Variants in LETM1 observed in about 807,000 individuals in gnomAD.
LETM1 encodes the protein mitochondrial proton/calcium exchanger protein.
Under a neutral mutation model 74.5 loss-of-function variants are expected in LETM1, and 50 were observed. The ratio of observed to expected loss-of-function variants is 0.67; its 90% CI spans 0.53 to 0.85. The LOEUF (loss-of-function observed/expected upper bound fraction) is 0.85, where lower values mean the gene tolerates loss of function less well. LETM1 is among the 40% of genes least tolerant of loss of function. LETM1 has a pLI of 0.00. For synonymous variants in LETM1, 446 were observed against 407.1 expected, an observed-to-expected ratio of 1.10 and a Z score of -1.15; for missense variants, 824 against 967.8, an observed-to-expected ratio of 0.85 and a Z score of 1.97.
At chr4:1,820,960 T>A (rs1711753743) in intron 10 of LETM1, among the ~76,000 whole-genome samples, 1 of 151,922 alleles carries the variant, frequency 6.6e-6, no homozygotes, top group South Asian at 2.1e-4. Context: ...GGAGGTCAAG[T>A]CTTCAGTGAG....
At chr4:1,835,092 C>A in intron 4 of LETM1, 110 bp from the exon 5 acceptor site, 1 of 990,424 alleles carries the variant, frequency 1.0e-6, no homozygotes, top group South Asian at 1.6e-5. Flanking sequence ...TTTCACAACA[C>A]ACTGACTCTC....
chr4:1,816,578 T>C, intron 12 of LETM1, 149 bp downstream of exon 12: 3 of 697,136 alleles, frequency 4.3e-6, no homozygotes, highest in Non-Finnish European at 7.1e-6. Context: ...GGTTCCTGGC[T>C]GGGACTGCTG....
intron 7 of LETM1, among the ~76,000 whole-genome samples, chr4:1,824,965 C>T (rs1203390721): frequency 1.3e-5 from 2 of 152,232 alleles, no homozygotes; most frequent in African/African-American, 2.4e-5. Context: ...GTGAAAAACC[C>T]GGGAGGAGGA....
Position 1,822,079 on chromosome 4 carries a change from T to C in LETM1, c.1608+102A>G, listed in dbSNP as rs534371117. ...CACCATCTCCTCTCACTGAGGGCTA[T>C]AGATGCCCCAGCTAACCTGTCCCCA... On this transcript the variant is annotated intron_variant, in intron 10 of 13. Coordinates refer to ENST00000302787, the MANE Select transcript of LETM1 (RefSeq NM_012318.3). The C allele has an allele frequency of 3.6e-5, 43 of 1,192,666 alleles. 1 individual carries two copies. In the African/African-American group the frequency reaches 4.5e-4, roughly 13 times the overall value. The allele number at this position is 1,192,666 out of a possible 1,614,324, so 73.9% of individuals were successfully genotyped here.
chr4:1,827,452 T>C (rs957072481), intron 6 of LETM1, among the ~76,000 whole-genome samples: 1 of 116,682 alleles, frequency 8.6e-6, no homozygotes, highest in Non-Finnish European at 1.7e-5. Context: ...GCAGTGTTTG[T>C]GTCCCTGATT....
At position 1,836,302 on chromosome 4, in the gene LETM1, C is replaced by T; in HGVS notation, c.738+127G>A. 1 of 864,608 alleles carries T rather than the reference C, an allele frequency of 1.2e-6. No individual in the cohort carries two copies. Among genetic ancestry groups the T allele is most frequent in the Admixed American group, 2.0e-5 (1 of 48,880 alleles). The allele number at this position is 864,608 out of a possible 1,614,324, so 53.6% of individuals were successfully genotyped here. A position where few individuals can be genotyped will look rare whatever the true frequency, so the allele number is the denominator to read the frequency against. On this transcript the variant is annotated intron_variant, in intron 4 of 13. Transcript: ENST00000302787. The surrounding 1 kb of genome is among the most constrained non-coding windows in gnomAD (Gnocchi z 5.8). ...CATCCACTAAATAATTATTGCACAG[C>T]ACAAGGACAATATGAAGATACATAA... is the stretch of plus-strand genomic sequence containing the variant.
intron 6 of LETM1, among the ~76,000 whole-genome samples, chr4:1,832,425 C>T (rs909429318): frequency 6.6e-6 from 1 of 152,102 alleles, no homozygotes; most frequent in Non-Finnish European, 1.5e-5. Context: ...AATGGACCCT[C>T]GATGAAGACC....
intron 1 of LETM1, among the ~76,000 whole-genome samples, chr4:1,854,087 G>C (rs186800040): frequency 2.7e-4 from 41 of 152,304 alleles, no homozygotes; most frequent in African/African-American, 9.4e-4. Context: ...CAACTGGAAA[G>C]ACCACATGCT....
intron 3 of LETM1, among the ~76,000 whole-genome samples, chr4:1,840,853 G>A (rs1712665128): frequency 6.6e-6 from 1 of 152,140 alleles, no homozygotes; most frequent in Admixed American, 6.5e-5. Flanking sequence ...TCTCTGGGTA[G>A]ACAGTATCAG....
intron 2 of LETM1, among the ~76,000 whole-genome samples, chr4:1,845,639 C>A (rs911787354): frequency 2.0e-5 from 3 of 151,030 alleles, no homozygotes; most frequent in African/African-American, 7.3e-5. Context: ...CCTCCACCTT[C>A]CAGGTTCACG....
At chr4:1,835,895 T>C (rs1212243021) in intron 4 of LETM1, among the ~76,000 whole-genome samples, 1 of 152,082 alleles carries the variant, frequency 6.6e-6, no homozygotes, top group African/African-American at 2.4e-5. Flanking sequence ...CTGGGCAACA[T>C]AGCAGATCTT....
chr4:1,817,883 A>T (rs1157548761), intron 11 of LETM1, among the ~76,000 whole-genome samples: 4 of 152,138 alleles, frequency 2.6e-5, no homozygotes, highest in Non-Finnish European at 5.9e-5. Flanking sequence ...ACTCCCAAGC[A>T]ATCCTCCTGC....
rs1722509501 is a variant in LETM1, at chr4:1,812,896, G to A, written c.*1528C>T. 1 of 152,400 alleles carries A rather than the reference G, an allele frequency of 6.6e-6. No individual in the cohort carries two copies. The highest frequency in any genetic ancestry group is 2.4e-5 in the African/African-American group (1 of 41,472). 9.4% of individuals were successfully genotyped at this position (152,400 alleles called of 1,614,324 possible). ...AACAGTGCTCAGCCAAGGCAGTGAG[G>A]ACGAGGATGAGAGCCGGGGCAGCTG... On this transcript the variant is annotated 3_prime_UTR_variant, in exon 14 of 14. Coordinates refer to ENST00000302787, the MANE Select transcript of LETM1 (RefSeq NM_012318.3).
In LETM1 at chr4:1,815,546, C is replaced by T. The variant is rs1302959327; in HGVS notation, c.2070+118G>A. ...GCAGTCGCAGTGACAGACCCAAACC[C>T]CTGACAGGAGGGGGTAGCTGCCCAG... is the stretch of plus-strand genomic sequence containing the variant. On this transcript the variant is annotated intron_variant, in intron 13 of 13. Coordinates refer to ENST00000302787, the MANE Select transcript of LETM1 (RefSeq NM_012318.3). The T allele has an allele frequency of 4.5e-6, 5 of 1,118,722 alleles. No individual in the cohort carries two copies. The African/African-American group carries it at 6.2e-5, about 14-fold the overall frequency. 69.3% of individuals were successfully genotyped at this position (1,118,722 alleles called of 1,614,324 possible).
intron 4 of LETM1, 27 bp from the exon 5 acceptor site, chr4:1,835,009 T>TC: frequency 6.2e-7 from 1 of 1,607,182 alleles, no homozygotes; most frequent in Admixed American, 1.7e-5. Flanking sequence ...GGCACTGCAT[T>TC]CCAACTGCTC....
chr4:1,852,899 G>A (rs758260703), intron 1 of LETM1, among the ~76,000 whole-genome samples: 2 of 152,142 alleles, frequency 1.3e-5, no homozygotes. Context: ...AACTTCCAGG[G>A]TTCTCAGCCC....
chr4:1,822,157 G>C (rs1017193194), intron 10 of LETM1, 24 bp downstream of exon 10: 2 of 1,377,706 alleles, frequency 1.5e-6, no homozygotes, highest in African/African-American at 3.0e-5. Flanking sequence ...TCAGCCTCCA[G>C]GGCCCCAGAA....
chr4:1,843,751 C>G (rs1307035739), intron 2 of LETM1, among the ~76,000 whole-genome samples: 1 of 152,182 alleles, frequency 6.6e-6, no homozygotes, highest in Non-Finnish European at 1.5e-5. Flanking sequence ...GCTGGCCCAG[C>G]CCCAGCCACC....
In LETM1 at chr4:1,814,038, A is replaced by G; in HGVS notation, c.*386T>C. Reference sequence around the variant, plus strand: ...TGACGCCCCTGAGGGTGGGCACAGCAGCCAGCTCTGTGTGGGCGGAGTCCA... The same window carrying G: ...TGACGCCCCTGAGGGTGGGCACAGCGGCCAGCTCTGTGTGGGCGGAGTCCA... On this transcript the variant is annotated 3_prime_UTR_variant, in exon 14 of 14. Transcript: ENST00000302787. 1 of 244,496 alleles carries G rather than the reference A, an allele frequency of 4.1e-6. No individual in the cohort carries two copies. The highest frequency in any genetic ancestry group is 8.1e-6 in the Non-Finnish European group (1 of 123,354). 15.1% of individuals were successfully genotyped at this position (244,496 alleles called of 1,614,324 possible). A position where few individuals can be genotyped will look rare whatever the true frequency, so the allele number is the denominator to read the frequency against.
Sources: gnomAD v4.1 joint callset for allele counts (sites outside exome capture counted in the v4.1 genomes callset) on GRCh38, gnomAD v4.1.1 for gene constraint, Gnocchi (gnomAD v3.1) non-coding constraint, MANE v1.5 for transcripts, NCBI Gene and HGNC (gene_info 2026-07-23, HGNC 2026-07-21) for gene names.